Variants in BICD2 observed in about 807,000 individuals in gnomAD.
BICD2 encodes the protein protein bicaudal D homolog 2.
In BICD2, 25 loss-of-function variants were observed where a neutral mutation model predicts 72.9. The observed-to-expected ratio is 0.34, with a 90% CI of 0.25 to 0.48. The LOEUF is 0.48. BICD2 is among the 20% of genes least tolerant of loss of function. The pLI is 0.99. For synonymous variants in BICD2, 501 were observed against 516.1 expected, an observed-to-expected ratio of 0.97 and a Z score of 0.40; for missense variants, 894 against 1,175.2, an observed-to-expected ratio of 0.76 and a Z score of 3.50.
Position 92,715,174 on chromosome 9 carries a change from G to A in BICD2, c.2548C>T (p.His850Tyr). 1 of 1,600,486 alleles carries A rather than the reference G, an allele frequency of 6.2e-7. No homozygotes were observed. The highest frequency in any genetic ancestry group is 1.1e-5 in the South Asian group (1 of 89,920). Residue 850 changes from histidine (H) to tyrosine (Y), a missense_variant, in exon 7 of 7, where the codon CAC becomes TAC. By Grantham distance (83) the His-to-Tyr change is moderately conservative. Around this residue, in one of 5 missense-constraint regions of BICD2, gnomAD observed 321 missense variants for 443.9 expected, o/e 0.72. Transcript: ENST00000356884. ...AGCCCCTAATCACAGTAAATGCTGT[G>A]CTTCTCGCTGCAGAACACCTGGTTG... ...LANQVFCSEK[H>Y]SIYCD
At chr9:92,736,745 G>A (rs1436765608) in intron 1 of BICD2, among the ~76,000 whole-genome samples, 2 of 152,074 alleles carry the variant, frequency 1.3e-5, no homozygotes, top group Admixed American at 6.6e-5. Context: ...CAGCTGCCTC[G>A]AACTGAGCAC....
At chr9:92,733,556 T>C (rs1427579281) in intron 1 of BICD2, among the ~76,000 whole-genome samples, 1 of 151,414 alleles carries the variant, frequency 6.6e-6, no homozygotes, top group East Asian at 1.9e-4. Flanking sequence ...CAAATGATGC[T>C]GGGGCAAGTA....
rs137939043 is a variant in BICD2 at position 92,744,189 on chromosome 9, A to G, written c.241-14953T>C. 4.3e-4 allele frequency among the ~76,000 whole-genome samples: 66 copies of G among 152,340 alleles called. 2 individuals carry two copies. In the East Asian group the frequency reaches 0.01, roughly 24 times the overall value. On this transcript the variant is annotated intron_variant, in intron 1 of 6. Coordinates refer to ENST00000356884, the MANE Select transcript of BICD2 (RefSeq NM_001003800.2). ...TGGGTGAGGAAGGCGTGGTATATCC[A>G]CACAAATGAATCCCATGTGGCAACG...
intron 1 of BICD2, among the ~76,000 whole-genome samples, chr9:92,742,025 C>G (rs944576635): frequency 6.6e-6 from 1 of 151,876 alleles, no homozygotes; most frequent in Non-Finnish European, 1.5e-5. Flanking sequence ...AAGATTTATC[C>G]AAAGAAAATT....
chr9:92,734,306 G>A (rs1251627111), intron 1 of BICD2, among the ~76,000 whole-genome samples: 1 of 152,154 alleles, frequency 6.6e-6, no homozygotes, highest in Non-Finnish European at 1.5e-5. Flanking sequence ...GAGGCCAGGA[G>A]TTCGAGACCA....
At chr9:92,761,721 G>A (rs1854376272) in intron 1 of BICD2, among the ~76,000 whole-genome samples, 1 of 152,226 alleles carries the variant, frequency 6.6e-6, no homozygotes, top group African/African-American at 2.4e-5. Context: ...AGGAACACCA[G>A]GTTGCTGACC....
intron 1 of BICD2, among the ~76,000 whole-genome samples, chr9:92,758,575 G>C (rs2131537622): frequency 6.9e-6 from 1 of 145,618 alleles, no homozygotes; most frequent in South Asian, 2.2e-4. Context: ...AAAAGGCTGG[G>C]CGTGGTGGCT....
Position 92,712,427 on chromosome 9 carries a change from T to C in BICD2, c.*2727A>G, listed in dbSNP as rs926608578. ...TCTGTGCTGGGACACCTCCCTTAAC[T>C]GATGAAGGCACTACTGGCAATGATT... On this transcript the variant is annotated 3_prime_UTR_variant, in exon 7 of 7. Transcript: ENST00000356884. 1 of 152,574 alleles carries C rather than the reference T, an allele frequency of 6.6e-6. No individual in the cohort carries two copies. The highest frequency in any genetic ancestry group is 1.5e-5 in the Non-Finnish European group (1 of 68,042). 9.5% of individuals were successfully genotyped at this position (152,574 alleles called of 1,614,324 possible).
At position 92,713,853 on chromosome 9, in the gene BICD2, TGGGAGGGG is replaced by T; in HGVS notation, c.*1293_*1300del. On this transcript the variant is annotated 3_prime_UTR_variant, in exon 7 of 7. Coordinates refer to ENST00000356884, the MANE Select transcript of BICD2 (RefSeq NM_001003800.2). Reference sequence around the variant, plus strand: ...GAAGAACGCGCAGGGCAGAGAGCTGTGGGAGGGGGCAACACGGTCTCTCACCAGGTAAC... The same window carrying T: ...GAAGAACGCGCAGGGCAGAGAGCTGTGCAACACGGTCTCTCACCAGGTAAC... 9.6e-7 allele frequency: 1 copy of T among 1,043,822 alleles called. No individual in the cohort carries two copies. Among genetic ancestry groups the T allele is most frequent in the African/African-American group, 1.7e-5 (1 of 59,712 alleles). 64.7% of individuals were successfully genotyped at this position (1,043,822 alleles called of 1,614,324 possible). A position where few individuals can be genotyped will look rare whatever the true frequency, so the allele number is the denominator to read the frequency against.
At chr9:92,724,572 A>G (rs1587672856) in intron 2 of BICD2, among the ~76,000 whole-genome samples, 1 of 151,920 alleles carries the variant, frequency 6.6e-6, no homozygotes, top group South Asian at 2.1e-4. Context: ...GGAGGAAGAG[A>G]AGGCCTGGCA....
At position 92,720,446 on chromosome 9, in the gene BICD2, C is replaced by G; in HGVS notation, c.916G>C (p.Gly306Arg). The change falls in exon 4 of 7, where the codon GGC (glycine) becomes CGC (arginine). Residue 306 changes from glycine (G) to arginine (R), a missense_variant. Physicochemically the swap from Gly to Arg is moderately radical, Grantham distance 125. Around this residue, in one of 5 missense-constraint regions of BICD2, gnomAD observed 371 missense variants for 439.1 expected, o/e 0.84. Transcript: ENST00000356884. The surrounding 1 kb of genome is among the most constrained non-coding windows in gnomAD (Gnocchi z 5.4). ...AEALVNGFEH[G>R]GLAKLPLDNK... ...TCCAGTGGCAGCTTGGCCAGGCCGCCGTGCTCAAAGCCATTGACCAGGGCC... is the reference window on the plus strand; with the variant it reads ...TCCAGTGGCAGCTTGGCCAGGCCGCGGTGCTCAAAGCCATTGACCAGGGCC... 6.2e-7 allele frequency: 1 copy of G among 1,614,156 alleles called. No homozygotes were observed. Among genetic ancestry groups the G allele is most frequent in the Non-Finnish European group, 8.5e-7 (1 of 1,180,034 alleles).
At chr9:92,745,257 A>G (rs1332875697) in intron 1 of BICD2, among the ~76,000 whole-genome samples, 1 of 152,140 alleles carries the variant, frequency 6.6e-6, no homozygotes, top group African/African-American at 2.4e-5. Context: ...ACAGAGTCGC[A>G]GGGCACACTG....
Position 92,764,793 on chromosome 9 carries a change from CCCT to C in BICD2, c.-52_-50del. ...CCCACTGAGGCTCTCGCAGGCCGGG[CCCT>C]CCTCAGCCGCCGCCGCTGCCGCCGC... On this transcript the variant is annotated 5_prime_UTR_variant, in exon 1 of 7. Coordinates refer to ENST00000356884, the MANE Select transcript of BICD2 (RefSeq NM_001003800.2). This position sits in a 1 kb window ranked among gnomAD's most constrained non-coding sequence, Gnocchi z 5.5. 6.2e-6 allele frequency: 8 copies of C among 1,300,244 alleles called. No homozygotes were observed. The highest frequency in any genetic ancestry group is 7.8e-6 in the Non-Finnish European group (8 of 1,023,892). 80.5% of individuals were successfully genotyped at this position (1,300,244 alleles called of 1,614,324 possible).
At chr9:92,749,591 T>G (rs1000645729) in intron 1 of BICD2, among the ~76,000 whole-genome samples, 1 of 152,236 alleles carries the variant, frequency 6.6e-6, no homozygotes, top group Admixed American at 6.5e-5. Flanking sequence ...AATGCTAAGC[T>G]GCTTTTAGAA....
Position 92,764,283 on chromosome 9 carries a change from C to T in BICD2, c.240+222G>A, listed in dbSNP as rs114439546. ...CGGGCAGCTGCAGGAGGCGACAAGG[C>T]GCCCGGACCCCTGCATTAGCGGCGT... On this transcript the variant is annotated intron_variant, in intron 1 of 6. Transcript: ENST00000356884. The surrounding 1 kb of genome is among the most constrained non-coding windows in gnomAD (Gnocchi z 5.5). 9.8e-3 allele frequency among the ~76,000 whole-genome samples: 1,487 copies of T among 152,268 alleles called. 31 individuals carry two copies. The highest frequency in any genetic ancestry group is 0.035 in the African/African-American group (1,439 of 41,574).
rs1472519753 is a variant in BICD2 at position 92,711,601 on chromosome 9, A to T, written c.*3553T>A. The stretch of plus-strand genomic sequence containing the variant: ...CTGTGTAAAGGTTCCTTGGCAGGAG[A>T]ACATGCATATGACTTTAAAATAAAG... On this transcript the variant is annotated 3_prime_UTR_variant, in exon 7 of 7. Transcript: ENST00000356884. The T allele has an allele frequency of 6.6e-6, 1 of 152,594 alleles. No individual in the cohort carries two copies. Among genetic ancestry groups the T allele is most frequent in the Non-Finnish European group, 1.5e-5 (1 of 68,034 alleles). The allele number at this position is 152,594 out of a possible 1,614,324, so 9.5% of individuals were successfully genotyped here. A position where few individuals can be genotyped will look rare whatever the true frequency, so the allele number is the denominator to read the frequency against.
In BICD2 at chr9:92,714,880, C is replaced by G; in HGVS notation, c.*274G>C. 1 of 1,247,046 alleles carries G rather than the reference C, an allele frequency of 8.0e-7. No homozygotes were observed. Among genetic ancestry groups the G allele is most frequent in the Non-Finnish European group, 1.0e-6 (1 of 993,118 alleles). 77.2% of individuals were successfully genotyped at this position (1,247,046 alleles called of 1,614,324 possible). A position where few individuals can be genotyped will look rare whatever the true frequency, so the allele number is the denominator to read the frequency against. On this transcript the variant is annotated 3_prime_UTR_variant, in exon 7 of 7. Coordinates refer to ENST00000356884, the MANE Select transcript of BICD2 (RefSeq NM_001003800.2). ...CTTAGAAGATGCTTTCATCACACAT[C>G]TGCTGCAAGAATGTGCAGCTCTATC... is the stretch of plus-strand genomic sequence containing the variant.
In BICD2 at chr9:92,744,836, G is replaced by A. The variant is rs148350574; in HGVS notation, c.241-15600C>T. Among the ~76,000 whole-genome samples the A allele has an allele frequency of 6.7e-3, 1,019 of 151,094 alleles. 9 individuals carry two copies. Among genetic ancestry groups the A allele is most frequent in the African/African-American group, 0.024 (968 of 41,118 alleles). Reference sequence around the variant, plus strand: ...AGCCTGGATGACAGAGCGAGACTCCGTCTCAGAAAAAAAAAAGAAAAAAAA... The same window carrying A: ...AGCCTGGATGACAGAGCGAGACTCCATCTCAGAAAAAAAAAAGAAAAAAAA... On this transcript the variant is annotated intron_variant, in intron 1 of 6. Transcript: ENST00000356884.
rs957531856 is a variant in BICD2, at chr9:92,714,832, G to C, written c.*322C>G. ...GAGCAGGACCAGGACTCCTCCCTTG[G>C]GTTTCCCCACGGGTGCGCAGGGCTT... is the stretch of plus-strand genomic sequence containing the variant. On this transcript the variant is annotated 3_prime_UTR_variant, in exon 7 of 7. Coordinates refer to ENST00000356884, the MANE Select transcript of BICD2 (RefSeq NM_001003800.2). 2 of 1,094,840 alleles carry C rather than the reference G, an allele frequency of 1.8e-6. No individual in the cohort carries two copies. Among genetic ancestry groups the C allele is most frequent in the South Asian group, 7.4e-5 (2 of 27,206 alleles). The allele number at this position is 1,094,840 out of a possible 1,614,324, so 67.8% of individuals were successfully genotyped here.
Sources: allele counts gnomAD v4.1 joint callset (sites outside exome capture counted in the v4.1 genomes callset), GRCh38; gene constraint gnomAD v4.1.1; regional missense constraint gnomAD v4.1.1; non-coding constraint Gnocchi (gnomAD v3.1); transcripts MANE v1.5; gene names NCBI Gene and HGNC (gene_info 2026-07-23, HGNC 2026-07-21).